The following GNAI2 variants were observed in gnomAD, a reference collection of about 807,000 sequenced individuals.
The protein encoded by GNAI2 is G protein subunit alpha i2.
GNAI2 carries 4 observed loss-of-function variants against 36.8 expected under a neutral mutation model. The observed-to-expected ratio is 0.11, with a 90% CI of 0.05 to 0.25. The LOEUF (loss-of-function observed/expected upper bound fraction) is 0.25. Among genes scored for constraint, GNAI2 ranks in the 10% least tolerant of loss-of-function variants. The pLI, the probability that GNAI2 is intolerant of heterozygous loss-of-function variation, is 1.00. For missense variants in GNAI2, 230 were observed against 481.3 expected (o/e 0.48, Z 4.89); for synonymous variants, 194 against 194.1 (o/e 1.00, Z 0.01).
At chr3:50,240,463 G>C (rs1700275035) in intron 1 of GNAI2, among the ~76,000 whole-genome samples, 1 of 152,222 alleles carries the variant, frequency 6.6e-6, no homozygotes, top group Non-Finnish European at 1.5e-5. Flanking sequence ...ATCCAGACCT[G>C]AGTTCGAATC....
In GNAI2 at chr3:50,259,135, G is replaced by GGGCC. The variant is rs1553703749; in HGVS notation, c.*793_*796dup. ...TCCAGACAACTGCCAACGTCACTGA[G>GGGCC]GGCCCTGCCCCAGCGGCCCTGGCCC... On this transcript the variant is annotated 3_prime_UTR_variant, in exon 9 of 9. Coordinates refer to ENST00000313601, the MANE Select transcript of GNAI2 (RefSeq NM_002070.4). The GGGCC allele has an allele frequency of 8.9e-6, 3 of 338,924 alleles. No homozygotes were observed. The highest frequency in any genetic ancestry group is 1.7e-5 in the Non-Finnish European group (3 of 174,180). The allele number at this position is 338,924 out of a possible 1,614,324, so 21.0% of individuals were successfully genotyped here.
At chr3:50,254,270 G>T (rs908696407) in intron 4 of GNAI2, among the ~76,000 whole-genome samples, 1 of 152,256 alleles carries the variant, frequency 6.6e-6, no homozygotes, top group African/African-American at 2.4e-5. Context: ...ATGGCTGCAG[G>T]GGACATCCAC....
chr3:50,233,885 C>T (rs1360577241), upstream of GNAI2, among the ~76,000 whole-genome samples: 1 of 144,252 alleles, frequency 6.9e-6, no homozygotes, highest in Non-Finnish European at 1.5e-5. Flanking sequence ...AAATGTGTAA[C>T]AAGGTTCTTT....
chr3:50,237,015 C>A (rs1361658741), intron 1 of GNAI2, among the ~76,000 whole-genome samples: 1 of 152,204 alleles, frequency 6.6e-6, no homozygotes, highest in African/African-American at 2.4e-5. Context: ...TGCTCTTGAG[C>A]CCCATCTCCA....
At chr3:50,243,663 G>C (rs1299127417) in intron 1 of GNAI2, among the ~76,000 whole-genome samples, 3 of 152,230 alleles carry the variant, frequency 2.0e-5, no homozygotes, top group African/African-American at 7.2e-5. Context: ...ATTTAATCCT[G>C]TGAGGCTGGG....
At position 50,230,968 on chromosome 3, in the gene GNAI2, G is replaced by A. The variant is rs1230686284; in HGVS notation, c.-69G>A. Reference sequence around the variant, plus strand: ...TGTGACTGGCTCCTGGCCCACTCTGGACCTCAGCTGACTCAGCTGCAAAGC... The same window carrying A: ...TGTGACTGGCTCCTGGCCCACTCTGAACCTCAGCTGACTCAGCTGCAAAGC... On this transcript the variant is annotated 5_prime_UTR_variant, in exon 1 of 9. Coordinates refer to the GNAI2 transcript ENST00000266027. 3 of 985,020 alleles carry A rather than the reference G, an allele frequency of 3.0e-6. No homozygotes were observed. The African/African-American group carries it at 5.2e-5, about 17-fold the overall frequency. The allele number at this position is 985,020 out of a possible 1,614,324, so 61.0% of individuals were successfully genotyped here. A position where few individuals can be genotyped will look rare whatever the true frequency, so the allele number is the denominator to read the frequency against.
At chr3:50,232,259 G>T (rs1700080245), upstream of GNAI2, among the ~76,000 whole-genome samples, 1 of 152,202 alleles carries the variant, frequency 6.6e-6, no homozygotes, top group Non-Finnish European at 1.5e-5. Context: ...GAACCCAGGA[G>T]GCGGAGGTTG....
intron 1 of GNAI2, among the ~76,000 whole-genome samples, chr3:50,244,254 C>T (rs1700364194): frequency 6.6e-6 from 1 of 152,116 alleles, no homozygotes; most frequent in Non-Finnish European, 1.5e-5. Flanking sequence ...GTCTCGAACT[C>T]CTGACCTCAA....
chr3:50,249,828 T>A (rs2298953), intron 1 of GNAI2, among the ~76,000 whole-genome samples: 199 of 152,238 alleles, frequency 1.3e-3, no homozygotes, highest in African/African-American at 4.6e-3. Context: ...GGCTCAGGCC[T>A]TTCCCCTCAG....
At position 50,255,925 on chromosome 3, in the gene GNAI2, A is replaced by G. The variant is rs1190560752; in HGVS notation, c.465-267A>G. On this transcript the variant is annotated intron_variant, in intron 4 of 8. Coordinates refer to ENST00000313601, the MANE Select transcript of GNAI2 (RefSeq NM_002070.4). The surrounding 1 kb of genome is among the most constrained non-coding windows in gnomAD (Gnocchi z 4.0). ...AATTAGCTGGGCGGCAGGCGCCTGT[A>G]GTCCCAGCTACTCAGGAGGCTGAGG... 2.6e-5 allele frequency among the ~76,000 whole-genome samples: 4 copies of G among 151,724 alleles called. No homozygotes were observed. The highest frequency in any genetic ancestry group is 5.9e-5 in the Non-Finnish European group (4 of 67,914).
intron 1 of GNAI2, among the ~76,000 whole-genome samples, chr3:50,250,281 C>T (rs782631678): frequency 9.2e-5 from 14 of 152,252 alleles, no homozygotes; most frequent in African/African-American, 1.7e-4. Flanking sequence ...TGCTTGTGTT[C>T]GTTTGTGTGT....
intron 1 of GNAI2, among the ~76,000 whole-genome samples, chr3:50,250,605 G>A (rs1327857861): frequency 1.3e-5 from 2 of 152,186 alleles, no homozygotes; most frequent in Non-Finnish European, 2.9e-5. Context: ...CCAGCTGGGG[G>A]CCATTCAACC....
chr3:50,245,357 G>T (rs999245093), intron 1 of GNAI2, among the ~76,000 whole-genome samples: 1 of 152,222 alleles, frequency 6.6e-6, no homozygotes, highest in African/African-American at 2.4e-5. Context: ...CTGCTGGCTT[G>T]GGTTGGGCCC....
chr3:50,234,008 G>A (rs144877286), upstream of GNAI2, among the ~76,000 whole-genome samples: 13 of 142,606 alleles, frequency 9.1e-5, 1 homozygote, highest in East Asian at 2.7e-3. Flanking sequence ...TGATTCTCCT[G>A]TTTCAGCCTC....
At position 50,236,504 on chromosome 3, in the gene GNAI2, G is replaced by T; in HGVS notation, c.118+51G>T. 6.4e-7 allele frequency: 1 copy of T among 1,552,814 alleles called. No homozygotes were observed. Among genetic ancestry groups the T allele is most frequent in the Non-Finnish European group, 8.7e-7 (1 of 1,155,066 alleles). ...CCTTGATTCCCAGCTCGAATCCCCAGACAAGGACTTTGACCTCCCAGACTA... is the reference window on the plus strand; with the variant it reads ...CCTTGATTCCCAGCTCGAATCCCCATACAAGGACTTTGACCTCCCAGACTA... On this transcript the variant is annotated intron_variant, in intron 1 of 8. Coordinates refer to ENST00000313601, the MANE Select transcript of GNAI2 (RefSeq NM_002070.4). The surrounding 1 kb of genome is among the most constrained non-coding windows in gnomAD (Gnocchi z 4.0).
At position 50,257,513 on chromosome 3, in the gene GNAI2, T is replaced by C. The variant is rs368550765; in HGVS notation, c.891T>C (p.Tyr297=). ...CFPEYTGANK[Y]DEAASYIQSK... ...TCTCTCCCCCAGGGGCCAACAAATA[T>C]GATGAGGCAGCCAGCTACATCCAGA... The change falls in exon 8 of 9, where the codon TAT becomes TAC. Residue 297 remains tyrosine, a synonymous_variant. Coordinates refer to ENST00000313601, the MANE Select transcript of GNAI2 (RefSeq NM_002070.4). 2 of 1,562,660 alleles carry C rather than the reference T, an allele frequency of 1.3e-6. No individual in the cohort carries two copies. The highest frequency in any genetic ancestry group is 1.9e-5 in the Admixed American group (1 of 53,208).
upstream of GNAI2, chr3:50,227,630 G>A (rs765811296): frequency 2.9e-4 from 45 of 154,746 alleles, no homozygotes; most frequent in South Asian, 1.2e-3. This position sits in a 1 kb window ranked among gnomAD's most constrained non-coding sequence, Gnocchi z 5.9. Context: ...CGGCTCTGCA[G>A]GAGAGGCCAG....
intron 5 of GNAI2, 73 bp from the exon 6 acceptor site, chr3:50,256,650 G>T (rs1553703213): frequency 2.6e-5 from 41 of 1,550,522 alleles, no homozygotes; most frequent in Non-Finnish European, 2.7e-6. Context: ...TCCTCAGTCA[G>T]CCAACCTGAG....
intron 1 of GNAI2, among the ~76,000 whole-genome samples, chr3:50,244,605 C>T (rs1700372350): frequency 6.6e-6 from 1 of 152,200 alleles, no homozygotes; most frequent in African/African-American, 2.4e-5. Flanking sequence ...GTGCTGGGTG[C>T]ACGTACGGTA....
Sources: allele counts gnomAD v4.1 joint callset (sites outside exome capture counted in the v4.1 genomes callset), GRCh38; gene constraint gnomAD v4.1.1; non-coding constraint Gnocchi (gnomAD v3.1); transcripts MANE v1.5; gene names NCBI Gene and HGNC (gene_info 2026-07-23, HGNC 2026-07-21).